Variants in FOCAD observed in about 807,000 individuals in gnomAD.
FOCAD encodes focadhesin.
FOCAD carries 198 observed loss-of-function variants against 225.6 expected under a neutral mutation model. That is an observed-to-expected ratio of 0.88 (90% CI 0.78 to 0.99). The LOEUF (loss-of-function observed/expected upper bound fraction) is 0.99. FOCAD is among the 50% of genes least tolerant of loss of function. The pLI, the probability that FOCAD is intolerant of heterozygous loss-of-function variation, is 0.00. For synonymous variants in FOCAD, 897 were observed against 755.0 expected, an observed-to-expected ratio of 1.19 and a Z score of -3.08; for missense variants, 2,713 against 2,123.6, an observed-to-expected ratio of 1.28 and a Z score of -5.46.
chr9:20,868,129 C>G (rs1156465984), intron 18 of FOCAD, among the ~76,000 whole-genome samples: 1 of 151,952 alleles, frequency 6.6e-6, no homozygotes, highest in Non-Finnish European at 1.5e-5. Flanking sequence ...GGACTTCAGA[C>G]TGCATTATGA....
intron 35 of FOCAD, among the ~76,000 whole-genome samples, chr9:20,965,202 G>A (rs776422255): frequency 6.6e-5 from 10 of 152,106 alleles, no homozygotes; most frequent in Non-Finnish European, 1.5e-4. Flanking sequence ...CTTTTAGATG[G>A]CCATTAGAAA....
At chr9:20,853,150 G>A (rs1827835426) in intron 15 of FOCAD, among the ~76,000 whole-genome samples, 1 of 151,748 alleles carries the variant, frequency 6.6e-6, no homozygotes, top group African/African-American at 2.4e-5. Flanking sequence ...TAGCAAAACT[G>A]AAAAGTGAAT....
At position 20,929,341 on chromosome 9, in the gene FOCAD, T is replaced by G. The variant is rs1470176229; in HGVS notation, c.3079-17T>G. 6.2e-7 allele frequency: 1 copy of G among 1,605,882 alleles called. No homozygotes were observed. The highest frequency in any genetic ancestry group is 1.1e-5 in the South Asian group (1 of 90,872). ...TGTTTAAGGCTAACCCTGTTTTCTTTCTTTGGCATGTCCTAGAAGTCCTAT... is the reference window on the plus strand; with the variant it reads ...TGTTTAAGGCTAACCCTGTTTTCTTGCTTTGGCATGTCCTAGAAGTCCTAT... On this transcript the variant is annotated splice_polypyrimidine_tract_variant and intron_variant, in intron 26 of 43. Coordinates refer to ENST00000338382, the MANE Select transcript of FOCAD (RefSeq NM_001375567.1).
At chr9:20,925,088 G>A (rs1834815060) in intron 25 of FOCAD, among the ~76,000 whole-genome samples, 1 of 152,150 alleles carries the variant, frequency 6.6e-6, no homozygotes. Flanking sequence ...GGAAGGGAAA[G>A]AGGCCAAGGG....
At chr9:20,832,309 C>T (rs1486967381) in intron 15 of FOCAD, among the ~76,000 whole-genome samples, 4 of 152,012 alleles carry the variant, frequency 2.6e-5, no homozygotes, top group Admixed American at 1.3e-4. Context: ...CCAACATGTA[C>T]TTTTCTTCTG....
At chr9:20,694,712 A>G (rs1823210422) in intron 1 of FOCAD, 1 of 152,218 alleles carries the variant, frequency 6.6e-6, no homozygotes, top group Admixed American at 6.5e-5. Flanking sequence ...AACAACATCA[A>G]CATTTTGTCA....
At chr9:20,874,496 A>G (rs1830061130) in intron 18 of FOCAD, 185 bp from the exon 19 acceptor site, 1 of 564,498 alleles carries the variant, frequency 1.8e-6, no homozygotes. Context: ...GACTAGAGTC[A>G]TGACCATTTA....
chr9:20,843,986 A>G (rs1044865250), intron 15 of FOCAD, among the ~76,000 whole-genome samples: 3 of 152,174 alleles, frequency 2.0e-5, no homozygotes, highest in African/African-American at 7.2e-5. Flanking sequence ...GAAATGAAAG[A>G]CAACCTTGGG....
intron 15 of FOCAD, among the ~76,000 whole-genome samples, chr9:20,854,699 C>G (rs968670809): frequency 6.6e-6 from 1 of 151,736 alleles, no homozygotes; most frequent in Admixed American, 6.6e-5. Flanking sequence ...AACATAAACA[C>G]TTAGGCTGAG....
intron 28 of FOCAD, among the ~76,000 whole-genome samples, chr9:20,941,053 G>C (rs1836606055): frequency 1.3e-5 from 2 of 152,042 alleles, no homozygotes; most frequent in South Asian, 4.1e-4. Context: ...TATCTAATGA[G>C]ATTTCAGGAG....
intron 6 of FOCAD, among the ~76,000 whole-genome samples, chr9:20,764,242 C>A (rs115182930): frequency 7.4e-4 from 113 of 152,186 alleles, no homozygotes; most frequent in African/African-American, 2.6e-3. Context: ...ATCTGTAATT[C>A]TAGAAAGGTT....
intron 28 of FOCAD, among the ~76,000 whole-genome samples, chr9:20,939,600 A>G (rs1376688781): frequency 1.3e-5 from 2 of 152,110 alleles, no homozygotes; most frequent in Non-Finnish European, 2.9e-5. Context: ...AAAATTTCGT[A>G]TGTCCAAGCA....
intron 33 of FOCAD, among the ~76,000 whole-genome samples, chr9:20,950,756 A>C (rs772205255): frequency 1.3e-5 from 2 of 152,166 alleles, no homozygotes; most frequent in Non-Finnish European, 2.9e-5. Context: ...AACCACTAGT[A>C]CTTTCTGCCA....
chr9:20,786,985 G>A, intron 10 of FOCAD: 1 of 480,690 alleles, frequency 2.1e-6, no homozygotes. Context: ...AGCTGGTGCT[G>A]AGAGAAAACG....
chr9:20,841,970 A>T (rs566014516), intron 15 of FOCAD, among the ~76,000 whole-genome samples: 1 of 152,034 alleles, frequency 6.6e-6, no homozygotes, highest in East Asian at 1.9e-4. Context: ...ATTTGTTTCA[A>T]GAAATTTAAA....
chr9:20,770,904 A>G (rs1444631068), intron 8 of FOCAD, among the ~76,000 whole-genome samples: 1 of 152,226 alleles, frequency 6.6e-6, no homozygotes, highest in Non-Finnish European at 1.5e-5. Flanking sequence ...ACATATAGTA[A>G]TATGCCAGGC....
At chr9:20,977,759 G>A (rs987261000) in intron 36 of FOCAD, among the ~76,000 whole-genome samples, 27 of 152,300 alleles carry the variant, frequency 1.8e-4, no homozygotes, top group African/African-American at 6.3e-4. Context: ...CTCTATATAA[G>A]ATATAATGTC....
chr9:20,893,863 T>G (rs1228191680), intron 21 of FOCAD, among the ~76,000 whole-genome samples: 5 of 152,100 alleles, frequency 3.3e-5, no homozygotes, highest in Admixed American at 3.3e-4. Flanking sequence ...GAACCTACAT[T>G]GACACATTCT....
chr9:20,821,419 T>C (rs1262198143), intron 14 of FOCAD, among the ~76,000 whole-genome samples: 1 of 152,126 alleles, frequency 6.6e-6, no homozygotes, highest in Non-Finnish European at 1.5e-5. Flanking sequence ...AACTATTCTT[T>C]CTTATATTCT....
Sources: allele counts gnomAD v4.1 joint callset (sites outside exome capture counted in the v4.1 genomes callset), GRCh38; gene constraint gnomAD v4.1.1; transcripts MANE v1.5; gene names NCBI Gene and HGNC (gene_info 2026-07-23, HGNC 2026-07-21).